The following CALN1 variants were observed in gnomAD, a reference collection of about 807,000 sequenced individuals.
CALN1 encodes the protein calcium-binding protein 8.
In CALN1, 17 loss-of-function variants were observed where a neutral mutation model predicts 30.6. The ratio of observed to expected loss-of-function variants is 0.56; its 90% CI spans 0.38 to 0.83. CALN1 has a LOEUF of 0.83. Among genes scored for constraint, CALN1 ranks in the 40% least tolerant of loss-of-function variants. The pLI is 0.00. For missense variants in CALN1, 291 were observed against 354.9 expected (o/e 0.82, Z 1.45); for synonymous variants, 156 against 131.4 (o/e 1.19, Z -1.28).
chr7:71,934,050 T>G lies in CALN1; in HGVS notation c.501+89607A>C, dbSNP rs541283010. ...CTTTACAGAACAGCCAATCTGAGTT[T>G]TTGCATTGAAGCTCCCTATTTGAAA... On this transcript the variant is annotated intron_variant, in intron 5 of 6. Coordinates refer to ENST00000395275, the MANE Select transcript of CALN1 (RefSeq NM_031468.4). Among the ~76,000 whole-genome samples, 3 of 152,310 alleles carry G rather than the reference T, an allele frequency of 2.0e-5. No homozygotes were observed. The East Asian group carries it at 5.8e-4, about 29-fold the overall frequency.
chr7:71,860,120 A>G (rs375204279), intron 5 of CALN1, among the ~76,000 whole-genome samples: 2 of 151,794 alleles, frequency 1.3e-5, no homozygotes, highest in Non-Finnish European at 2.9e-5. Flanking sequence ...ATAAACAAGC[A>G]TTGTACCTAG....
chr7:71,919,020 C>T (rs1054040096), intron 5 of CALN1, among the ~76,000 whole-genome samples: 6 of 152,128 alleles, frequency 3.9e-5, no homozygotes, highest in Non-Finnish European at 5.9e-5. Flanking sequence ...GTCCCTTATA[C>T]TGCTCCATAA....
chr7:72,298,957 A>G (rs1008390570), intron 2 of CALN1, among the ~76,000 whole-genome samples: 2 of 152,112 alleles, frequency 1.3e-5, no homozygotes, highest in Non-Finnish European at 2.9e-5. Context: ...AAGCCCAATT[A>G]AACCTCTTTC....
intron 2 of CALN1, among the ~76,000 whole-genome samples, chr7:72,380,716 G>GATAC (rs1554394762): frequency 1.2e-4 from 18 of 150,734 alleles, no homozygotes; most frequent in Admixed American, 2.0e-4. Context: ...TAGATAGATA[G>GATAC]ATAGATACAT....
intron 2 of CALN1, among the ~76,000 whole-genome samples, chr7:72,344,897 A>T (rs1248111341): frequency 6.8e-6 from 1 of 147,624 alleles, no homozygotes; most frequent in East Asian, 2.0e-4. Context: ...GCATATATTT[A>T]TATCATATAT....
intron 1 of CALN1, among the ~76,000 whole-genome samples, chr7:72,417,567 A>G (rs905192820): frequency 6.6e-6 from 1 of 152,242 alleles, no homozygotes; most frequent in Non-Finnish European, 1.5e-5. Flanking sequence ...CTAAGTGACT[A>G]TTTAATCATG....
rs528599814 is a variant in CALN1, at chr7:72,313,998, G to A, written c.120-35188C>T. ...CAACAGGGCAGACAGACAGAGCCCCGTCCCTCACCCATGGAGTCAGCACAT... is the reference window on the plus strand; with the variant it reads ...CAACAGGGCAGACAGACAGAGCCCCATCCCTCACCCATGGAGTCAGCACAT... On this transcript the variant is annotated intron_variant, in intron 2 of 6. Transcript: ENST00000395275. Among the ~76,000 whole-genome samples, 25 of 152,260 alleles carry A rather than the reference G, an allele frequency of 1.6e-4. No homozygotes were observed. The East Asian group carries it at 2.7e-3, about 17-fold the overall frequency.
At chr7:72,028,221 G>A (rs991762285) in intron 4 of CALN1, among the ~76,000 whole-genome samples, 3 of 152,094 alleles carry the variant, frequency 2.0e-5, no homozygotes, top group South Asian at 2.1e-4. Context: ...CCAGGAGAAC[G>A]AGGCTGTCTT....
chr7:72,055,800 C>T (rs1584846882), intron 4 of CALN1, among the ~76,000 whole-genome samples: 1 of 151,970 alleles, frequency 6.6e-6, no homozygotes, highest in East Asian at 1.9e-4. Context: ...TTGCTTGAGG[C>T]TAGAAGTTTG....
chr7:72,489,038 A>G, the CALN1 span, among the ~76,000 whole-genome samples: 8 of 152,102 alleles, frequency 5.3e-5, no homozygotes, highest in Non-Finnish European at 1.0e-4. Context: ...TTTTTCTTCT[A>G]AACTCAATCC....
chr7:72,003,500 C>T (rs1799626635), intron 5 of CALN1, among the ~76,000 whole-genome samples: 1 of 152,200 alleles, frequency 6.6e-6, no homozygotes, highest in Non-Finnish European at 1.5e-5. Context: ...TCTGTGTTTA[C>T]AGCTGCTTCC....
intron 4 of CALN1, among the ~76,000 whole-genome samples, chr7:72,093,059 A>G (rs1232081064): frequency 2.6e-5 from 4 of 152,202 alleles, no homozygotes; most frequent in African/African-American, 9.6e-5. Flanking sequence ...TTACTGAAAC[A>G]GCTCTGAAAA....
chr7:72,076,255 ACCTGCACAT>A (rs1804716592), intron 4 of CALN1, among the ~76,000 whole-genome samples: 1 of 152,038 alleles, frequency 6.6e-6, no homozygotes, highest in Non-Finnish European at 1.5e-5. Flanking sequence ...TAGGTAACAA[ACCTGCACAT>A]CCTGCACATG....
intron 5 of CALN1, among the ~76,000 whole-genome samples, chr7:71,825,727 T>C (rs898509049): frequency 2.0e-5 from 3 of 151,576 alleles, no homozygotes; most frequent in African/African-American, 7.3e-5. Flanking sequence ...ATTGAGAAAA[T>C]GCAACGTTCA....
chr7:71,906,165 A>G (rs1051530112), intron 5 of CALN1, among the ~76,000 whole-genome samples: 1 of 151,826 alleles, frequency 6.6e-6, no homozygotes, highest in African/African-American at 2.4e-5. Context: ...ATAAATGGAC[A>G]CTCCCTATCA....
chr7:72,364,107 C>T (rs561679274), intron 2 of CALN1, among the ~76,000 whole-genome samples: 53 of 151,588 alleles, frequency 3.5e-4, no homozygotes, highest in African/African-American at 1.2e-3. Context: ...AATTTGAAAA[C>T]TCTTCTAAGG....
chr7:72,205,782 G>A (rs764834968), intron 3 of CALN1, among the ~76,000 whole-genome samples: 1 of 151,302 alleles, frequency 6.6e-6, no homozygotes, highest in Non-Finnish European at 1.5e-5. Context: ...TTAACCTACA[G>A]TGCAATCTCT....
intron 2 of CALN1, among the ~76,000 whole-genome samples, chr7:72,338,478 T>A (rs879784784): frequency 0.016 from 1,734 of 111,540 alleles, 42 homozygotes; most frequent in African/African-American, 0.044. Flanking sequence ...ACAGTGTGTG[T>A]GTGTGTGTGT....
At chr7:72,083,539 A>G (rs1805291304) in intron 4 of CALN1, among the ~76,000 whole-genome samples, 1 of 152,068 alleles carries the variant, frequency 6.6e-6, no homozygotes, top group African/African-American at 2.4e-5. Flanking sequence ...AGCTATGATC[A>G]TGCCACTGCA....
Sources: allele counts gnomAD v4.1 joint callset (sites outside exome capture counted in the v4.1 genomes callset), GRCh38; gene constraint gnomAD v4.1.1; transcripts MANE v1.5; gene names NCBI Gene and HGNC (gene_info 2026-07-23, HGNC 2026-07-21).